CNTNAP2: variants seen among roughly 807,000 people sequenced by gnomAD.
The protein encoded by CNTNAP2 is contactin associated protein 2.
A neutral mutation model predicts 155.2 loss-of-function variants in CNTNAP2; 98 were observed. That is an observed-to-expected ratio of 0.63 (90% CI 0.54 to 0.75). The LOEUF (loss-of-function observed/expected upper bound fraction) is 0.75, where lower values mean the gene tolerates loss of function less well. Among genes scored for constraint, CNTNAP2 ranks in the 30% least tolerant of loss-of-function variants. The probability of loss-of-function intolerance (pLI) is 0.00; values close to 1 mark genes in which losing one functional copy is unlikely to be tolerated. For missense variants in CNTNAP2, 1,727 were observed against 1,688.1 expected (o/e 1.02, Z -0.40); for synonymous variants, 651 against 631.2 (o/e 1.03, Z -0.47).
chr7:147,269,511 A>G (rs17170381), intron 8 of CNTNAP2, among the ~76,000 whole-genome samples: 35,767 of 152,142 alleles, frequency 0.24, 4,506 homozygotes, highest in Middle Eastern at 0.31. Flanking sequence ...ACCGACTGCA[A>G]TAGTGCTATG....
chr7:147,990,490 G>A (rs1248734901), intron 15 of CNTNAP2, among the ~76,000 whole-genome samples: 1 of 152,050 alleles, frequency 6.6e-6, no homozygotes, highest in African/African-American at 2.4e-5. Context: ...TCTGGTTGGA[G>A]GGGGGTTATC....
At chr7:146,199,698 C>T (rs911678548) in intron 1 of CNTNAP2, among the ~76,000 whole-genome samples, 1 of 152,032 alleles carries the variant, frequency 6.6e-6, no homozygotes, top group South Asian at 2.1e-4. Flanking sequence ...TAAAGGGTGT[C>T]GACTTCATTC....
rs1403779136 is a variant in CNTNAP2, at chr7:147,132,569, T to C, written c.1348+60T>C. On this transcript the variant is annotated intron_variant, in intron 8 of 23. Coordinates refer to ENST00000361727, the MANE Select transcript of CNTNAP2 (RefSeq NM_014141.6). ...CTTATTGCAATTTCCAGAGTTAATG[T>C]TGTGCTTTGTTTGGTTTTGCTGGTG... is the stretch of plus-strand genomic sequence containing the variant. 5 of 1,606,718 alleles carry C rather than the reference T, an allele frequency of 3.1e-6. No individual in the cohort carries two copies. The African/African-American group carries it at 5.4e-5, about 17-fold the overall frequency.
At chr7:147,786,855 G>A (rs1275599687) in intron 13 of CNTNAP2, among the ~76,000 whole-genome samples, 1 of 152,038 alleles carries the variant, frequency 6.6e-6, no homozygotes, top group East Asian at 1.9e-4. Flanking sequence ...TGTAGTCCCT[G>A]CTACTCATGA....
At chr7:147,980,739 G>A (rs1033639935) in intron 15 of CNTNAP2, among the ~76,000 whole-genome samples, 13 of 147,932 alleles carry the variant, frequency 8.8e-5, no homozygotes, top group East Asian at 4.0e-4. Context: ...CCTGGCTAAC[G>A]CGGTGAAACC....
At chr7:146,388,925 G>A (rs1245066223) in intron 1 of CNTNAP2, among the ~76,000 whole-genome samples, 1 of 152,052 alleles carries the variant, frequency 6.6e-6, no homozygotes, top group Non-Finnish European at 1.5e-5. Flanking sequence ...TCTGTTGTCA[G>A]AAGAAGATGC....
In CNTNAP2 at chr7:147,635,958, G is replaced by A. The variant is rs543909926; in HGVS notation, c.1898-3148G>A. ...ACTAGAAAGTTTTATGCCAGAGGCTGACTGTAACAGAAAAGATCAAAACCA... is the reference window on the plus strand; with the variant it reads ...ACTAGAAAGTTTTATGCCAGAGGCTAACTGTAACAGAAAAGATCAAAACCA... On this transcript the variant is annotated intron_variant, in intron 12 of 23. Transcript: ENST00000361727. Among the ~76,000 whole-genome samples, 14 of 152,292 alleles carry A rather than the reference G, an allele frequency of 9.2e-5. No individual in the cohort carries two copies. In the East Asian group the frequency reaches 9.7e-4, roughly 11 times the overall value.
intron 3 of CNTNAP2, among the ~76,000 whole-genome samples, chr7:146,947,601 A>G (rs1167752238): frequency 7.1e-6 from 1 of 141,154 alleles, no homozygotes; most frequent in Non-Finnish European, 1.5e-5. Flanking sequence ...ATATATATGT[A>G]TATATCTTTC....
At chr7:148,270,231 T>C (rs10464460) in intron 21 of CNTNAP2, among the ~76,000 whole-genome samples, 55,930 of 152,132 alleles carry the variant, frequency 0.37, 11,809 homozygotes, top group East Asian at 0.62. Context: ...GACATCAATC[T>C]GTGCAAAGCT....
At chr7:147,488,555 T>A (rs545525770) in intron 11 of CNTNAP2, among the ~76,000 whole-genome samples, 9,619 of 151,720 alleles carry the variant, frequency 0.063, 987 homozygotes, top group African/African-American at 0.22. Flanking sequence ...TATTTTTTTT[T>A]AAAAAAAGCA....
chr7:148,231,460 A>G (rs777010226), intron 20 of CNTNAP2, among the ~76,000 whole-genome samples: 4 of 152,166 alleles, frequency 2.6e-5, no homozygotes, highest in Non-Finnish European at 5.9e-5. Flanking sequence ...AAAAGATAAA[A>G]CCAAACTTTG....
intron 4 of CNTNAP2, among the ~76,000 whole-genome samples, chr7:147,061,052 TTA>T (rs1299675971): frequency 2.2e-5 from 3 of 135,606 alleles, no homozygotes; most frequent in Admixed American, 1.4e-4. Context: ...ATGATTCAAC[TTA>T]TATAAGGCAT....
intron 20 of CNTNAP2, among the ~76,000 whole-genome samples, chr7:148,237,904 T>C (rs774135625): frequency 4.6e-5 from 7 of 152,180 alleles, no homozygotes; most frequent in Non-Finnish European, 7.4e-5. Flanking sequence ...GAAAAATCTC[T>C]GTAGACTTGA....
chr7:146,988,276 A>G (rs1274167784), intron 3 of CNTNAP2, among the ~76,000 whole-genome samples: 1 of 152,100 alleles, frequency 6.6e-6, no homozygotes, highest in African/African-American at 2.4e-5. Flanking sequence ...TTACCAGAGA[A>G]AGAAAATCTT....
At chr7:146,633,359 A>C (rs926973244) in intron 1 of CNTNAP2, among the ~76,000 whole-genome samples, 1 of 152,158 alleles carries the variant, frequency 6.6e-6, no homozygotes, top group Non-Finnish European at 1.5e-5. Context: ...AAAAAATTCT[A>C]TATCTGGAAA....
intron 13 of CNTNAP2, among the ~76,000 whole-genome samples, chr7:147,776,711 G>T (rs1488532836): frequency 2.0e-5 from 3 of 151,534 alleles, no homozygotes; most frequent in East Asian, 3.9e-4. Context: ...AATTTTTTTT[G>T]ATTCTAAGAG....
At chr7:147,344,013 A>T (rs1468646513) in intron 9 of CNTNAP2, among the ~76,000 whole-genome samples, 9 of 152,218 alleles carry the variant, frequency 5.9e-5, no homozygotes, top group South Asian at 2.1e-4. Flanking sequence ...TACTCTTCAA[A>T]TCAACACTGG....
chr7:147,604,825 T>A (rs1205823362), intron 12 of CNTNAP2, among the ~76,000 whole-genome samples: 1 of 152,190 alleles, frequency 6.6e-6, no homozygotes, highest in Non-Finnish European at 1.5e-5. Context: ...ACCACCCTCA[T>A]GTGTGGCTCA....
chr7:148,326,713 A>AAC (rs895765522), intron 21 of CNTNAP2, among the ~76,000 whole-genome samples: 6 of 152,060 alleles, frequency 3.9e-5, no homozygotes, highest in African/African-American at 1.2e-4. Context: ...AAAAATACAA[A>AAC]AATTAGCCGG....
Sources: gnomAD v4.1 joint callset for allele counts (sites outside exome capture counted in the v4.1 genomes callset) on GRCh38, gnomAD v4.1.1 for gene constraint, MANE v1.5 for transcripts, NCBI Gene and HGNC (gene_info 2026-07-23, HGNC 2026-07-21) for gene names.